Variants in KCNQ1 observed in about 807,000 individuals in gnomAD.
KCNQ1 encodes potassium voltage-gated channel subfamily Q member 1, also known as potassium voltage-gated channel subfamily KQT member 1.
In KCNQ1, 49 loss-of-function variants were observed where a neutral mutation model predicts 72.4. That is an observed-to-expected ratio of 0.68 (90% CI 0.54 to 0.86). The LOEUF (loss-of-function observed/expected upper bound fraction) is 0.86, where lower values mean the gene tolerates loss of function less well. Ranked by LOEUF, KCNQ1 falls within the 40% of genes least tolerant of loss-of-function variation. The pLI is 0.00. For synonymous variants in KCNQ1, 450 were observed against 412.6 expected (o/e 1.09, Z -1.10); for missense variants, 790 against 945.1 (o/e 0.84, Z 2.15).
chr11:2,693,150 CT>C (rs1850616231), intron 11 of KCNQ1: 1 of 398,572 alleles, frequency 2.5e-6, no homozygotes, highest in South Asian at 1.3e-4. Context: ...AGCCCTCAGT[CT>C]ACACTCTGTG....
intron 11 of KCNQ1, chr11:2,699,617 G>GAACCGCGCCGAAGAACCCCCGGGGAT (rs1850748624): frequency 2.8e-6 from 1 of 353,794 alleles, no homozygotes; most frequent in Non-Finnish European, 4.9e-6. Flanking sequence ...CCCCCGGAGA[G>GAACCGCGCCGAAGAACCCCCGGGGAT]AACCGCGCCG....
chr11:2,751,078 G>A (rs1226206673), intron 11 of KCNQ1, among the ~76,000 whole-genome samples: 4 of 152,096 alleles, frequency 2.6e-5, no homozygotes, highest in Non-Finnish European at 5.9e-5. Context: ...GCCCAATTTG[G>A]GTCACCCACA....
chr11:2,638,318 G>T (rs1474913101), intron 10 of KCNQ1: 2 of 152,184 alleles, frequency 1.3e-5, no homozygotes, highest in African/African-American at 2.4e-5. Context: ...GGTACCAATT[G>T]TTCCTTTCCA....
rs1261686444 is a variant in KCNQ1, at chr11:2,447,830, T to C, written c.386+2346T>C. On this transcript the variant is annotated intron_variant, in intron 1 of 15. Transcript: ENST00000155840. This position sits in a 1 kb window ranked among gnomAD's most constrained non-coding sequence, Gnocchi z 7.6. Reference sequence around the variant, plus strand: ...GGGGGGTTGAGGCAGGAGCCGGTGTTCCGCTGACCCTACAGGGCTAGGGCG... The same window carrying C: ...GGGGGGTTGAGGCAGGAGCCGGTGTCCCGCTGACCCTACAGGGCTAGGGCG... Among the ~76,000 whole-genome samples the C allele has an allele frequency of 6.6e-6, 1 of 152,156 alleles. No homozygotes were observed. Among genetic ancestry groups the C allele is most frequent in the Non-Finnish European group, 1.5e-5 (1 of 68,006 alleles).
intron 1 of KCNQ1, chr11:2,461,939 G>C (rs1459609894): frequency 7.6e-6 from 3 of 393,500 alleles, no homozygotes; most frequent in East Asian, 7.2e-5. Flanking sequence ...GCTGTCTGCT[G>C]TCTGCTGTCC....
rs1392580481 is a variant in KCNQ1, at chr11:2,481,351, G to T, written c.386+35867G>T. 2.0e-5 allele frequency among the ~76,000 whole-genome samples: 3 copies of T among 152,208 alleles called. No individual in the cohort carries two copies. Among genetic ancestry groups the T allele is most frequent in the Admixed American group, 2.0e-4 (3 of 15,296 alleles). On this transcript the variant is annotated intron_variant, in intron 1 of 15. Transcript: ENST00000155840. The surrounding 1 kb of genome is among the most constrained non-coding windows in gnomAD (Gnocchi z 4.6). ...GTTTCCTGCTAGTCTTTTTCTCGGC[G>T]TGTGTGTGTGCGCGCGTGCATGCAC...
At chr11:2,731,135 G>A (rs995042751) in intron 11 of KCNQ1, among the ~76,000 whole-genome samples, 3 of 152,230 alleles carry the variant, frequency 2.0e-5, no homozygotes, top group Non-Finnish European at 2.9e-5. Flanking sequence ...CACGGCAGGG[G>A]CTGCGTTGCC....
At chr11:2,792,245 T>C (rs2134010248) in intron 15 of KCNQ1, among the ~76,000 whole-genome samples, 1 of 152,228 alleles carries the variant, frequency 6.6e-6, no homozygotes, top group South Asian at 2.1e-4. Context: ...GCTGCAGCAA[T>C]AGGAAGGGGC....
chr11:2,585,136 G>T, intron 7 of KCNQ1, 76 bp from the exon 8 acceptor site: 1 of 1,323,946 alleles, frequency 7.6e-7, no homozygotes, highest in South Asian at 1.2e-5. Flanking sequence ...AACGGTGACC[G>T]GTAACCACGT....
chr11:2,813,926 G>A lies in KCNQ1; in HGVS notation c.1795-33841G>A, dbSNP rs1847546898. 6.6e-6 allele frequency among the ~76,000 whole-genome samples: 1 copy of A among 152,050 alleles called. No homozygotes were observed. The highest frequency in any genetic ancestry group is 2.1e-4 in the South Asian group (1 of 4,824). The stretch of plus-strand genomic sequence containing the variant: ...TTGATGGATGGATGGTTAGATGGAT[G>A]AAGAGATAGATGAATGGATAAAGAG... On this transcript the variant is annotated intron_variant, in intron 15 of 15. Transcript: ENST00000155840. This position sits in a 1 kb window ranked among gnomAD's most constrained non-coding sequence, Gnocchi z 4.4.
Position 2,601,638 on chromosome 11 carries a change from C to G in KCNQ1, c.1393+12784C>G, listed in dbSNP as rs1848809559. On this transcript the variant is annotated intron_variant, in intron 10 of 15. Coordinates refer to ENST00000155840, the MANE Select transcript of KCNQ1 (RefSeq NM_000218.3). The surrounding 1 kb of genome is among the most constrained non-coding windows in gnomAD (Gnocchi z 5.2). ...CTCTGATTCTCTAGTTTTGTCTTTTCAAAAATGCCACGTAAATGGAATCAC... is the reference window on the plus strand; with the variant it reads ...CTCTGATTCTCTAGTTTTGTCTTTTGAAAAATGCCACGTAAATGGAATCAC... Among the ~76,000 whole-genome samples, 1 of 152,142 alleles carries G rather than the reference C, an allele frequency of 6.6e-6. No individual in the cohort carries two copies. The highest frequency in any genetic ancestry group is 1.5e-5 in the Non-Finnish European group (1 of 68,014).
chr11:2,610,314 T>C, intron 10 of KCNQ1: 1 of 398,156 alleles, frequency 2.5e-6, no homozygotes, highest in East Asian at 3.6e-5. Flanking sequence ...TATTGTTACA[T>C]ATATTACATC....
At chr11:2,743,346 A>G (rs1327326045) in intron 11 of KCNQ1, among the ~76,000 whole-genome samples, 1 of 152,204 alleles carries the variant, frequency 6.6e-6, no homozygotes, top group Non-Finnish European at 1.5e-5. Context: ...TCATGAGGTA[A>G]GACCCCACCC....
chr11:2,468,335 T>TG lies in KCNQ1; in HGVS notation c.386+22855dup, dbSNP rs1051503796. Among the ~76,000 whole-genome samples, 3 of 152,148 alleles carry TG rather than the reference T, an allele frequency of 2.0e-5. No homozygotes were observed. Among genetic ancestry groups the TG allele is most frequent in the African/African-American group, 7.2e-5 (3 of 41,424 alleles). On this transcript the variant is annotated intron_variant, in intron 1 of 15. Coordinates refer to ENST00000155840, the MANE Select transcript of KCNQ1 (RefSeq NM_000218.3). This position sits in a 1 kb window ranked among gnomAD's most constrained non-coding sequence, Gnocchi z 5.7. ...CTAATTTTTGTATTTTTTGTAGAGA[T>TG]GGGGTCTTGCTATATTGCCCAGTCT...
chr11:2,631,906 G>A (rs991596806), intron 10 of KCNQ1: 36 of 397,556 alleles, frequency 9.1e-5, no homozygotes, highest in Non-Finnish European at 1.4e-4. Context: ...CTGAAAGCTG[G>A]GCGCAGTGGC....
chr11:2,794,016 G>T (rs537970889), intron 15 of KCNQ1, among the ~76,000 whole-genome samples: 1 of 152,284 alleles, frequency 6.6e-6, no homozygotes, highest in Non-Finnish European at 1.5e-5. Flanking sequence ...AAGGCCCTAG[G>T]GCACGAGGGC....
chr11:2,530,113 A>G (rs779951983), intron 2 of KCNQ1, among the ~76,000 whole-genome samples: 6 of 151,988 alleles, frequency 3.9e-5, no homozygotes, highest in African/African-American at 9.7e-5. Flanking sequence ...TTGTGGTGCC[A>G]TCTTGGTTGG....
intron 1 of KCNQ1, among the ~76,000 whole-genome samples, chr11:2,525,743 CA>C (rs1847491251): frequency 6.6e-6 from 1 of 152,184 alleles, no homozygotes; most frequent in African/African-American, 2.4e-5. Context: ...TCGAATGTCC[CA>C]GTGGGGGAGT....
intron 11 of KCNQ1, among the ~76,000 whole-genome samples, chr11:2,718,301 T>C (rs1851132388): frequency 6.6e-6 from 1 of 152,120 alleles, no homozygotes; most frequent in Non-Finnish European, 1.5e-5. Flanking sequence ...TTAGGGTGCC[T>C]CACCACACTC....
Sources: allele counts gnomAD v4.1 joint callset (sites outside exome capture counted in the v4.1 genomes callset), GRCh38; gene constraint gnomAD v4.1.1; non-coding constraint Gnocchi (gnomAD v3.1); transcripts MANE v1.5; gene names NCBI Gene and HGNC (gene_info 2026-07-23, HGNC 2026-07-21).